Variants in GALNTL6 observed in about 807,000 individuals in gnomAD.
GALNTL6 encodes the protein polypeptide N-acetylgalactosaminyltransferase like 6.
A neutral mutation model predicts 73.7 loss-of-function variants in GALNTL6; 46 were observed. The observed-to-expected ratio is 0.62, with a 90% CI of 0.49 to 0.80. GALNTL6 has a LOEUF of 0.80. Among genes scored for constraint, GALNTL6 ranks in the 30% least tolerant of loss-of-function variants. The probability of loss-of-function intolerance (pLI) is 0.00; values close to 1 mark genes in which losing one functional copy is unlikely to be tolerated. For missense variants in GALNTL6, 604 were observed against 755.0 expected, an observed-to-expected ratio of 0.80 and a Z score of 2.34; for synonymous variants, 259 against 263.7, an observed-to-expected ratio of 0.98 and a Z score of 0.17.
At chr4:172,310,569 C>T (rs1213970173) in intron 3 of GALNTL6, among the ~76,000 whole-genome samples, 3 of 151,916 alleles carry the variant, frequency 2.0e-5, no homozygotes, top group Non-Finnish European at 4.4e-5. Flanking sequence ...CTATGACCAG[C>T]CTCAATAAAT....
intron 2 of GALNTL6, among the ~76,000 whole-genome samples, chr4:171,824,373 T>C (rs1452048415): frequency 6.6e-6 from 1 of 152,018 alleles, no homozygotes; most frequent in Non-Finnish European, 1.5e-5. Flanking sequence ...ATTATTTAAC[T>C]ACTCAAAGAC....
chr4:172,354,148 G>A (rs1222472065), intron 5 of GALNTL6, among the ~76,000 whole-genome samples: 1 of 152,008 alleles, frequency 6.6e-6, no homozygotes, highest in African/African-American at 2.4e-5. Flanking sequence ...TTTAGTGCTG[G>A]TATTCCATCA....
At chr4:172,289,007 C>T (rs989822755) in intron 3 of GALNTL6, among the ~76,000 whole-genome samples, 45 of 152,120 alleles carry the variant, frequency 3.0e-4, no homozygotes, top group African/African-American at 1.0e-3. Context: ...GCAGTGGCTA[C>T]AGCTATCCTA....
intron 5 of GALNTL6, among the ~76,000 whole-genome samples, chr4:172,452,746 T>C (rs771641629): frequency 2.0e-5 from 3 of 152,234 alleles, no homozygotes; most frequent in Non-Finnish European, 4.4e-5. Context: ...TGACTTGTAA[T>C]AATTCCTGAT....
In GALNTL6 at chr4:172,678,450, A is replaced by G. The variant is rs1487071418; in HGVS notation, c.554-130911A>G. ...AACCTCTGCCTCCCTGGTTCAAGCA[A>G]TTCTCTTGCCTCAGCCTCCCAGGTA... On this transcript the variant is annotated intron_variant, in intron 5 of 12. Transcript: ENST00000506823. Among the ~76,000 whole-genome samples the G allele has an allele frequency of 2.6e-5, 4 of 151,844 alleles. 1 individual carries two copies. In the South Asian group the frequency reaches 6.2e-4, roughly 24 times the overall value.
At chr4:172,340,489 G>A (rs1053393063) in intron 4 of GALNTL6, among the ~76,000 whole-genome samples, 4 of 152,070 alleles carry the variant, frequency 2.6e-5, no homozygotes, top group African/African-American at 9.7e-5. Context: ...TTTGACATCA[G>A]GGTAGCGCTG....
intron 5 of GALNTL6, among the ~76,000 whole-genome samples, chr4:172,450,227 A>C (rs336020): frequency 0.018 from 2,785 of 150,962 alleles, 80 homozygotes; most frequent in African/African-American, 0.061. Flanking sequence ...AAAAAAAAAA[A>C]AAACAAACAA....
chr4:172,573,904 C>T (rs113368362), intron 5 of GALNTL6, among the ~76,000 whole-genome samples: 44 of 152,138 alleles, frequency 2.9e-4, no homozygotes, highest in African/African-American at 1.0e-3. Flanking sequence ...ATTAACATTC[C>T]AATTAACATT....
At chr4:172,201,821 A>T (rs965312781) in intron 2 of GALNTL6, among the ~76,000 whole-genome samples, 1 of 152,180 alleles carries the variant, frequency 6.6e-6, no homozygotes, top group African/African-American at 2.4e-5. Context: ...AATCAGCCAC[A>T]ATGTCCAACT....
At chr4:172,024,983 A>T (rs565329263) in intron 2 of GALNTL6, among the ~76,000 whole-genome samples, 3 of 152,070 alleles carry the variant, frequency 2.0e-5, no homozygotes, top group African/African-American at 7.2e-5. Context: ...CATCCAAGAT[A>T]AATCTTTCCA....
chr4:171,919,961 C>T (rs574463146), intron 2 of GALNTL6, among the ~76,000 whole-genome samples: 10 of 152,076 alleles, frequency 6.6e-5, no homozygotes, highest in Non-Finnish European at 1.0e-4. Flanking sequence ...TGCACACGTA[C>T]GTTTATTGCG....
intron 2 of GALNTL6, among the ~76,000 whole-genome samples, chr4:171,844,843 C>T (rs1735329947): frequency 6.6e-6 from 1 of 152,134 alleles, no homozygotes; most frequent in South Asian, 2.1e-4. Flanking sequence ...GTTGCTGTGG[C>T]AGGGACTTTC....
chr4:171,908,297 A>C (rs956252036), intron 2 of GALNTL6, among the ~76,000 whole-genome samples: 2 of 151,006 alleles, frequency 1.3e-5, no homozygotes, highest in African/African-American at 5.0e-5. Flanking sequence ...ACAAATTTAC[A>C]AGAAAAAAAA....
chr4:172,393,864 T>G (rs1299654278), intron 5 of GALNTL6, among the ~76,000 whole-genome samples: 1 of 152,220 alleles, frequency 6.6e-6, no homozygotes, highest in Non-Finnish European at 1.5e-5. Flanking sequence ...TCGATTTTAT[T>G]TTATATTTAT....
rs779002506 is a variant in GALNTL6, at chr4:173,040,062, A to C, written c.1768A>C (p.Thr590Pro). The change falls in exon 13 of 13, where the codon ACT (threonine) becomes CCT (proline). Residue 590 changes from threonine (T) to proline (P), a missense_variant. Thr to Pro is a conservative substitution (Grantham distance 38, BLOSUM62 -1). This residue lies in a region of GALNTL6 where 261 missense variants were observed against 296.5 expected (regional missense o/e 0.88). Transcript: ENST00000506823. ...GTGGATTTTTGAACACATTAATATG[A>C]CTGTTTTAGAAAAATTTAACCACCA... The part of the protein sequence containing the change: ...QQWIFEHINM[T>P]VLEKFNHHAN... 18 of 1,613,128 alleles carry C rather than the reference A, an allele frequency of 1.1e-5. No individual in the cohort carries two copies. The highest frequency in any genetic ancestry group is 1.4e-5 in the Non-Finnish European group (17 of 1,179,340).
In GALNTL6 at chr4:172,229,601, A is replaced by G. The variant is rs1052566627; in HGVS notation, c.139-55A>G. On this transcript the variant is annotated intron_variant, in intron 2 of 12. Transcript: ENST00000506823. ...ATTATGTGCCCGGCTGTGTTTACCT[A>G]CCATGCAAAAGGAAATACCTCCTTT... 13 of 1,045,334 alleles carry G rather than the reference A, an allele frequency of 1.2e-5. No individual in the cohort carries two copies. The Admixed American group carries it at 2.4e-4, about 19-fold the overall frequency. The allele number at this position is 1,045,334 out of a possible 1,614,324, so 64.8% of individuals were successfully genotyped here.
intron 3 of GALNTL6, among the ~76,000 whole-genome samples, chr4:172,268,338 A>G (rs1738520726): frequency 6.6e-6 from 1 of 152,208 alleles, no homozygotes; most frequent in Admixed American, 6.6e-5. Flanking sequence ...GAAAAGAAAC[A>G]GGATTGGGAA....
chr4:172,061,781 C>T (rs1348287427), intron 2 of GALNTL6, among the ~76,000 whole-genome samples: 5 of 151,972 alleles, frequency 3.3e-5, no homozygotes, highest in Non-Finnish European at 7.4e-5. Flanking sequence ...GACCACTAAA[C>T]ACCTGAATTT....
At chr4:172,344,816 C>T (rs1212301990) in intron 4 of GALNTL6, among the ~76,000 whole-genome samples, 4 of 152,148 alleles carry the variant, frequency 2.6e-5, no homozygotes, top group Non-Finnish European at 5.9e-5. Flanking sequence ...TTTTATATAT[C>T]TGCTCACTGG....
Sources: allele counts gnomAD v4.1 joint callset (sites outside exome capture counted in the v4.1 genomes callset), GRCh38; gene constraint gnomAD v4.1.1; regional missense constraint gnomAD v4.1.1; transcripts MANE v1.5; gene names NCBI Gene and HGNC (gene_info 2026-07-23, HGNC 2026-07-21).